The following ERBB4 variants were observed in gnomAD, a reference collection of about 807,000 sequenced individuals.
ERBB4 encodes the protein receptor tyrosine-protein kinase erbB-4.
Under a neutral mutation model 158.0 loss-of-function variants are expected in ERBB4, and 42 were observed. The ratio of observed to expected loss-of-function variants is 0.27; its 90% CI spans 0.21 to 0.34. The LOEUF (loss-of-function observed/expected upper bound fraction) is 0.34. Ranked by LOEUF, ERBB4 falls within the 10% of genes least tolerant of loss-of-function variation. The pLI, the probability that ERBB4 is intolerant of heterozygous loss-of-function variation, is 1.00. For missense variants in ERBB4, 1,333 were observed against 1,624.1 expected, an observed-to-expected ratio of 0.82 and a Z score of 3.08; for synonymous variants, 583 against 558.7, an observed-to-expected ratio of 1.04 and a Z score of -0.61.
chr2:212,382,886 C>T (rs1161003089), intron 1 of ERBB4, among the ~76,000 whole-genome samples: 1 of 151,124 alleles, frequency 6.6e-6, no homozygotes, highest in Non-Finnish European at 1.5e-5. Flanking sequence ...TTTCCCAATA[C>T]ATTCAGGACT....
At chr2:212,159,862 T>C (rs1011160090) in intron 1 of ERBB4, among the ~76,000 whole-genome samples, 2 of 152,000 alleles carry the variant, frequency 1.3e-5, no homozygotes, top group Non-Finnish European at 2.9e-5. Flanking sequence ...AAAAATGTGA[T>C]AAATGGCTAA....
chr2:211,966,118 G>A (rs1169876037), intron 2 of ERBB4, among the ~76,000 whole-genome samples: 3 of 152,170 alleles, frequency 2.0e-5, no homozygotes, highest in Admixed American at 6.5e-5. Flanking sequence ...GGAAGCTGAG[G>A]TGGAAGGACT....
At chr2:211,466,102 G>A (rs2064680151) in intron 20 of ERBB4, among the ~76,000 whole-genome samples, 1 of 152,168 alleles carries the variant, frequency 6.6e-6, no homozygotes, top group Non-Finnish European at 1.5e-5. Flanking sequence ...CAGTCACCAG[G>A]GCACTTTGTT....
At chr2:212,015,918 T>C (rs1689430202) in intron 2 of ERBB4, among the ~76,000 whole-genome samples, 1 of 152,096 alleles carries the variant, frequency 6.6e-6, no homozygotes, top group South Asian at 2.1e-4. Context: ...AGAGCACAAC[T>C]CATTTTTACA....
intron 1 of ERBB4, among the ~76,000 whole-genome samples, chr2:212,172,024 G>A (rs935901006): frequency 6.6e-6 from 1 of 152,030 alleles, no homozygotes. Context: ...CTGTCCATCT[G>A]ACAAAGGTGT....
At chr2:211,545,903 T>C (rs753402381) in intron 20 of ERBB4, among the ~76,000 whole-genome samples, 4 of 152,048 alleles carry the variant, frequency 2.6e-5, no homozygotes, top group African/African-American at 4.8e-5. Flanking sequence ...GTGATTGAGG[T>C]GGAGACTGAG....
intron 1 of ERBB4, among the ~76,000 whole-genome samples, chr2:212,339,737 T>C (rs570744537): frequency 2.6e-4 from 39 of 152,278 alleles, no homozygotes; most frequent in African/African-American, 9.4e-4. Context: ...CTTGGGGTTT[T>C]ATAGTAATTT....
At chr2:212,328,366 A>T (rs898167848) in intron 1 of ERBB4, among the ~76,000 whole-genome samples, 1 of 152,012 alleles carries the variant, frequency 6.6e-6, no homozygotes, top group African/African-American at 2.4e-5. Flanking sequence ...TTTATTACCC[A>T]GACTTGTATA....
chr2:212,151,007 C>T (rs891114222), intron 1 of ERBB4, among the ~76,000 whole-genome samples: 11 of 151,934 alleles, frequency 7.2e-5, no homozygotes, highest in African/African-American at 1.7e-4. Flanking sequence ...TCGGTACCCA[C>T]CTTGCAAAAG....
chr2:212,027,179 G>T (rs553408405), intron 2 of ERBB4, among the ~76,000 whole-genome samples: 10 of 151,998 alleles, frequency 6.6e-5, no homozygotes, highest in African/African-American at 2.4e-4. Flanking sequence ...TAAAAACCAA[G>T]CTGAGGTTAA....
intron 21 of ERBB4, among the ~76,000 whole-genome samples, chr2:211,429,685 A>G (rs1003558555): frequency 2.0e-5 from 3 of 152,226 alleles, no homozygotes; most frequent in Non-Finnish European, 2.9e-5. Context: ...AGGTGACACC[A>G]AGGTAACTCT....
intron 1 of ERBB4, among the ~76,000 whole-genome samples, chr2:212,227,208 G>C (rs1168015949): frequency 4.1e-5 from 6 of 147,186 alleles, no homozygotes; most frequent in African/African-American, 1.5e-4. Context: ...TCAGACCACA[G>C]CATTCCAGCA....
chr2:211,860,208 T>C (rs928371086), intron 3 of ERBB4, among the ~76,000 whole-genome samples: 3 of 152,194 alleles, frequency 2.0e-5, no homozygotes, highest in Non-Finnish European at 2.9e-5. Context: ...TGTATGATAC[T>C]GGACATAGAG....
chr2:212,027,890 A>G (rs2076811935), intron 2 of ERBB4, among the ~76,000 whole-genome samples: 2 of 152,022 alleles, frequency 1.3e-5, no homozygotes, highest in Non-Finnish European at 2.9e-5. Flanking sequence ...AAAAACTTCC[A>G]TAACTGGAGC....
intron 1 of ERBB4, among the ~76,000 whole-genome samples, chr2:212,195,464 C>A (rs1448267820): frequency 6.7e-6 from 1 of 149,180 alleles, no homozygotes; most frequent in African/African-American, 2.5e-5. Flanking sequence ...TTTAATTAGG[C>A]TATTTTTAAA....
chr2:211,796,985 T>C (rs1575160844), intron 3 of ERBB4, among the ~76,000 whole-genome samples: 1 of 151,892 alleles, frequency 6.6e-6, no homozygotes, highest in South Asian at 2.1e-4. Context: ...AAAATACGAT[T>C]TCTGGAAGAC....
rs1282398416 is a variant in ERBB4 at position 211,690,774 on chromosome 2, G to GT, written c.1489+11192dup. On this transcript the variant is annotated intron_variant, in intron 12 of 27. Coordinates refer to ENST00000342788, the MANE Select transcript of ERBB4 (RefSeq NM_005235.3). ...TGACTTCCTGCAGTGATAGTCATGAGTGAAGGAGTGGAAGGGCTCTGCAAT... is the reference window on the plus strand; with the variant it reads ...TGACTTCCTGCAGTGATAGTCATGAGTTGAAGGAGTGGAAGGGCTCTGCAAT... Among the ~76,000 whole-genome samples, 12 of 152,282 alleles carry GT rather than the reference G, an allele frequency of 7.9e-5. No homozygotes were observed. The East Asian group carries it at 2.3e-3, about 29-fold the overall frequency.
At chr2:212,491,216 A>C (rs1690259860) in intron 1 of ERBB4, among the ~76,000 whole-genome samples, 1 of 151,622 alleles carries the variant, frequency 6.6e-6, no homozygotes, top group Non-Finnish European at 1.5e-5. Context: ...TTTACTGCCA[A>C]GTATTTCTAG....
At chr2:211,631,757 TA>T (rs1291649282) in intron 16 of ERBB4, among the ~76,000 whole-genome samples, 1 of 152,080 alleles carries the variant, frequency 6.6e-6, no homozygotes, top group East Asian at 1.9e-4. Context: ...AGGTGTTACC[TA>T]AAAAATATTT....
Sources: allele counts gnomAD v4.1 joint callset (sites outside exome capture counted in the v4.1 genomes callset), GRCh38; gene constraint gnomAD v4.1.1; transcripts MANE v1.5; gene names NCBI Gene and HGNC (gene_info 2026-07-23, HGNC 2026-07-21).